The following ZNF469 variants were observed in gnomAD, a reference collection of about 807,000 sequenced individuals.
ZNF469 encodes zinc finger protein 469.
In ZNF469, 1 loss-of-function variant was observed where a neutral mutation model predicts 1.0. The ratio of observed to expected loss-of-function variants is 1.00; its 90% CI spans 0.35 to 4.73. The LOEUF (loss-of-function observed/expected upper bound fraction) is 4.73, where lower values mean the gene tolerates loss of function less well. Ranked by LOEUF, ZNF469 falls within the 30% of genes most tolerant of loss-of-function variation. The pLI is 0.16. For synonymous variants in ZNF469, 2,703 were observed against 2,363.4 expected (o/e 1.14, Z -4.17); for missense variants, 6,100 against 5,356.3 (o/e 1.14, Z -4.33).
chr16:88,357,004 A>G, the ZNF469 span, among the ~76,000 whole-genome samples: 1 of 152,200 alleles, frequency 6.6e-6, no homozygotes, highest in African/African-American at 2.4e-5. Context: ...TGCCCAGGCA[A>G]TGCTTGTGGG....
chr16:88,374,621 A>G, the ZNF469 span, among the ~76,000 whole-genome samples: 1 of 152,248 alleles, frequency 6.6e-6, no homozygotes, highest in Non-Finnish European at 1.5e-5. Context: ...GTGTTCAGGG[A>G]CATTCTTGTG....
At chr16:88,210,487 TG>T in the ZNF469 span, among the ~76,000 whole-genome samples, 3 of 152,246 alleles carry the variant, frequency 2.0e-5, no homozygotes, top group Admixed American at 2.0e-4. Flanking sequence ...CATCTTCTCT[TG>T]TGTTGCATTT....
chr16:88,187,145 C>G, the ZNF469 span, among the ~76,000 whole-genome samples: 1 of 152,028 alleles, frequency 6.6e-6, no homozygotes, highest in African/African-American at 2.4e-5. Flanking sequence ...GTGGAGACCC[C>G]CAGGGTCCAG....
the ZNF469 span, among the ~76,000 whole-genome samples, chr16:88,362,585 C>G: frequency 6.6e-6 from 1 of 152,060 alleles, no homozygotes; most frequent in Non-Finnish European, 1.5e-5. Context: ...TGTCTTCTGA[C>G]TTCTGGTGTT....
At chr16:88,116,966 C>CGT in the ZNF469 span, among the ~76,000 whole-genome samples, 1 of 50,036 alleles carries the variant, frequency 2.0e-5, no homozygotes, top group South Asian at 6.6e-4. Flanking sequence ...CACACACACA[C>CGT]ACACACACAC....
chr16:88,293,044 A>G, the ZNF469 span, among the ~76,000 whole-genome samples: 1 of 152,194 alleles, frequency 6.6e-6, no homozygotes, highest in Non-Finnish European at 1.5e-5. Flanking sequence ...ACATAAATTT[A>G]CTTCCCTTCT....
At chr16:88,315,604 G>A in the ZNF469 span, among the ~76,000 whole-genome samples, 2 of 152,300 alleles carry the variant, frequency 1.3e-5, no homozygotes, top group East Asian at 3.9e-4. Context: ...AGGCCTCCCT[G>A]TGACCCCAGA....
the ZNF469 span, among the ~76,000 whole-genome samples, chr16:88,185,180 C>T: frequency 3.4e-5 from 5 of 149,250 alleles, no homozygotes; most frequent in African/African-American, 1.2e-4. Context: ...GACATGGATA[C>T]ACAGGCACAC....
chr16:88,221,398 T>A, the ZNF469 span, among the ~76,000 whole-genome samples: 1 of 152,210 alleles, frequency 6.6e-6, no homozygotes, highest in Admixed American at 6.5e-5. Context: ...ACTTCCTCTC[T>A]GCTCCAACTA....
chr16:88,410,563 A>G (rs1393574276), intron 1 of ZNF469, among the ~76,000 whole-genome samples: 1 of 150,690 alleles, frequency 6.6e-6, no homozygotes, highest in Non-Finnish European at 1.5e-5. Context: ...GGTGACGTCT[A>G]TGATGCTGTT....
the ZNF469 span, among the ~76,000 whole-genome samples, chr16:88,257,327 G>T: frequency 7.3e-6 from 1 of 136,994 alleles, no homozygotes; most frequent in African/African-American, 2.5e-5. Flanking sequence ...CGTCATTTAA[G>T]ATCTTTGGCC....
chr16:88,351,344 G>A, the ZNF469 span, among the ~76,000 whole-genome samples: 1 of 152,266 alleles, frequency 6.6e-6, no homozygotes, highest in East Asian at 1.9e-4. Context: ...ACCTTCTTCT[G>A]CCCCACAGGC....
chr16:88,425,548 C>G (rs1905663793), intron 2 of ZNF469, among the ~76,000 whole-genome samples: 1 of 152,182 alleles, frequency 6.6e-6, no homozygotes, highest in Non-Finnish European at 1.5e-5. Flanking sequence ...TGGCTGAGGC[C>G]TTGAGCGGGT....
chr16:88,414,476 C>T (rs1280020728), intron 1 of ZNF469, among the ~76,000 whole-genome samples: 1 of 152,198 alleles, frequency 6.6e-6, no homozygotes, highest in East Asian at 1.9e-4. Context: ...GCTGTGGCGC[C>T]GGGATTTGAA....
chr16:88,172,992 G>A, the ZNF469 span, among the ~76,000 whole-genome samples: 15 of 152,334 alleles, frequency 9.8e-5, no homozygotes, highest in Admixed American at 7.2e-4. Context: ...TCAAAGCATC[G>A]TGTCTGTGTG....
At chr16:88,150,842 C>T in the ZNF469 span, among the ~76,000 whole-genome samples, 3 of 152,034 alleles carry the variant, frequency 2.0e-5, no homozygotes, top group Non-Finnish European at 4.4e-5. Context: ...CGTGGGGTTC[C>T]GGTAGGCAGG....
At chr16:88,361,177 G>T in the ZNF469 span, among the ~76,000 whole-genome samples, 1 of 152,104 alleles carries the variant, frequency 6.6e-6, no homozygotes, top group Non-Finnish European at 1.5e-5. Flanking sequence ...TCACAATAGG[G>T]CTCACCCTCC....
At chr16:88,413,975 G>C (rs1905242131) in intron 1 of ZNF469, among the ~76,000 whole-genome samples, 2 of 152,262 alleles carry the variant, frequency 1.3e-5, no homozygotes, top group South Asian at 4.2e-4. Flanking sequence ...GAAGGGCCCT[G>C]CTGCCACCTG....
rs975435621 is a variant in ZNF469 at position 88,436,043 on chromosome 16, C to T, written c.8573C>T (p.Ser2858Phe). ...CCAAGCTTGTTTGATGATGAGGTCT[C>T]TTTCTCCCAGCTCTTCCCTCCAGGC... is the stretch of plus-strand genomic sequence containing the variant. The part of the protein sequence containing the change: ...DPPSLFDDEV[S>F]FSQLFPPGGR... Residue 2858 changes from serine (S) to phenylalanine (F), a missense_variant, in exon 3 of 3, where the codon TCT becomes TTT. Coordinates refer to ENST00000565624, the MANE Select transcript of ZNF469 (RefSeq NM_001367624.2). 13 of 1,550,330 alleles carry T rather than the reference C, an allele frequency of 8.4e-6. No individual in the cohort carries two copies. Among genetic ancestry groups the T allele is most frequent in the Non-Finnish European group, 1.1e-5 (13 of 1,146,988 alleles).
Sources: gnomAD v4.1 joint callset for allele counts (sites outside exome capture counted in the v4.1 genomes callset) on GRCh38, gnomAD v4.1.1 for gene constraint, MANE v1.5 for transcripts, NCBI Gene and HGNC (gene_info 2026-07-23, HGNC 2026-07-21) for gene names.